The following PCDH9 variants were observed in gnomAD, a reference collection of about 807,000 sequenced individuals.
PCDH9 encodes protocadherin-9.
PCDH9 carries 24 observed loss-of-function variants against 70.6 expected under a neutral mutation model. The observed-to-expected ratio is 0.34, with a 90% CI of 0.25 to 0.48. The LOEUF (loss-of-function observed/expected upper bound fraction) is 0.48. PCDH9 is among the 20% of genes least tolerant of loss of function. PCDH9 has a pLI of 0.99. For missense variants in PCDH9, 1,281 were observed against 1,503.6 expected, an observed-to-expected ratio of 0.85 and a Z score of 2.45; for synonymous variants, 562 against 558.5, an observed-to-expected ratio of 1.01 and a Z score of -0.09.
chr13:66,841,692 A>G (rs2081119169), intron 3 of PCDH9, among the ~76,000 whole-genome samples: 2 of 152,200 alleles, frequency 1.3e-5, no homozygotes, highest in African/African-American at 4.8e-5. Context: ...ACAATATCAA[A>G]TATAATAAAA....
intron 4 of PCDH9, among the ~76,000 whole-genome samples, chr13:66,572,057 C>G (rs1271166809): frequency 6.6e-6 from 1 of 151,918 alleles, no homozygotes; most frequent in African/African-American, 2.4e-5. Context: ...TTCTCTTAAA[C>G]TTATGACTCT....
chr13:66,754,198 G>T (rs2079505322), intron 3 of PCDH9, among the ~76,000 whole-genome samples: 1 of 152,066 alleles, frequency 6.6e-6, no homozygotes, highest in African/African-American at 2.4e-5. Context: ...ACAGGGAGGG[G>T]AACATCACGC....
chr13:66,709,541 A>G (rs1007047516), intron 3 of PCDH9, among the ~76,000 whole-genome samples: 2 of 152,174 alleles, frequency 1.3e-5, no homozygotes, highest in African/African-American at 4.8e-5. Flanking sequence ...AATCTTAAAA[A>G]ACAGAAATAT....
chr13:66,932,605 T>TG (rs1265399116), intron 2 of PCDH9, among the ~76,000 whole-genome samples: 2 of 150,526 alleles, frequency 1.3e-5, no homozygotes, highest in Middle Eastern at 3.4e-3. Context: ...TTTGAAAGTT[T>TG]GGGGGAAAAA....
At chr13:66,381,792 C>CTATACATAAGATGCTT in intron 4 of PCDH9, among the ~76,000 whole-genome samples, 1 of 152,154 alleles carries the variant, frequency 6.6e-6, no homozygotes, top group African/African-American at 2.4e-5. Context: ...TCCCTGTAAG[C>CTATACATAAGATGCTT]ATCTTATGTA....
At chr13:67,060,360 C>T (rs1467263585) in intron 2 of PCDH9, among the ~76,000 whole-genome samples, 1 of 152,066 alleles carries the variant, frequency 6.6e-6, no homozygotes, top group African/African-American at 2.4e-5. Context: ...ACGCTCACAT[C>T]TTGGAAGTGG....
intron 4 of PCDH9, among the ~76,000 whole-genome samples, chr13:66,510,724 G>A (rs1012990317): frequency 3.9e-5 from 6 of 152,174 alleles, no homozygotes; most frequent in Non-Finnish European, 7.3e-5. Context: ...ATTCCATGGT[G>A]TATATTTGCC....
chr13:66,431,777 T>G (rs1244182475), intron 4 of PCDH9, among the ~76,000 whole-genome samples: 1 of 152,026 alleles, frequency 6.6e-6, no homozygotes, highest in African/African-American at 2.4e-5. Context: ...AGAGGCTTTA[T>G]AAAACAAAGC....
In PCDH9 at chr13:66,892,511, A is replaced by G. The variant is rs145297670; in HGVS notation, c.3138+10993T>C. ...TTGTGCAATCATTTCAACATATCAC[A>G]GCATTTGGGCTTTGCTACGTTGTAA... On this transcript the variant is annotated intron_variant, in intron 3 of 4. Transcript: ENST00000377865. 5.2e-3 allele frequency among the ~76,000 whole-genome samples: 789 copies of G among 152,068 alleles called. 2 individuals carry two copies. The highest frequency in any genetic ancestry group is 8.8e-3 in the Non-Finnish European group (600 of 67,918).
intron 3 of PCDH9, among the ~76,000 whole-genome samples, chr13:66,632,170 C>T (rs538610459): frequency 6.6e-6 from 1 of 152,294 alleles, no homozygotes; most frequent in South Asian, 2.1e-4. Flanking sequence ...GCTGGGATTA[C>T]AGGCATGATC....
chr13:66,628,053 G>A (rs559426975), intron 4 of PCDH9, among the ~76,000 whole-genome samples: 490 of 152,158 alleles, frequency 3.2e-3, no homozygotes, highest in African/African-American at 5.0e-3. Context: ...TCAAATGTGG[G>A]CTTTCTTAAG....
intron 2 of PCDH9, among the ~76,000 whole-genome samples, chr13:67,105,902 A>G (rs181631902): frequency 6.6e-5 from 10 of 151,246 alleles, no homozygotes; most frequent in Admixed American, 6.6e-4. Flanking sequence ...GGATAGAGAA[A>G]TATATCTAAG....
chr13:67,200,156 T>C (rs986347036), intron 2 of PCDH9, among the ~76,000 whole-genome samples: 3 of 152,122 alleles, frequency 2.0e-5, no homozygotes, highest in African/African-American at 7.2e-5. Flanking sequence ...GCTGGGACTT[T>C]TAAATGGCAT....
intron 4 of PCDH9, among the ~76,000 whole-genome samples, chr13:66,363,441 G>A (rs1285273606): frequency 6.6e-6 from 1 of 152,068 alleles, no homozygotes; most frequent in Non-Finnish European, 1.5e-5. Context: ...ATACGTATCG[G>A]ATTCAATGAA....
chr13:66,377,683 G>T (rs1268703738), intron 4 of PCDH9, among the ~76,000 whole-genome samples: 2 of 152,168 alleles, frequency 1.3e-5, no homozygotes, highest in Admixed American at 1.3e-4. Context: ...AAAGCAGGGA[G>T]AGTGAGCACT....
At chr13:66,813,119 T>C (rs2080539284) in intron 3 of PCDH9, among the ~76,000 whole-genome samples, 1 of 152,168 alleles carries the variant, frequency 6.6e-6, no homozygotes, top group Non-Finnish European at 1.5e-5. Flanking sequence ...GTGATGATTG[T>C]GGGGACTGAC....
At chr13:67,203,931 T>C (rs970100289) in intron 2 of PCDH9, 1 of 152,026 alleles carries the variant, frequency 6.6e-6, no homozygotes, top group African/African-American at 2.4e-5. Context: ...ATAGGTAAAC[T>C]TTGTAGAAGA....
Position 67,135,452 on chromosome 13 carries a change from A to T in PCDH9, c.3036+89953T>A, listed in dbSNP as rs2087211584. Among the ~76,000 whole-genome samples the T allele has an allele frequency of 2.0e-5, 3 of 152,050 alleles. 1 individual carries two copies. In the South Asian group the frequency reaches 6.2e-4, roughly 32 times the overall value. On this transcript the variant is annotated intron_variant, in intron 2 of 4. Transcript: ENST00000377865. ...CCATAGATCTCATTTTATAATAAGC[A>T]TTTCTTTTCTTTTTTCTCCTTTTTA...
At chr13:67,150,080 C>G (rs2087619990) in intron 2 of PCDH9, among the ~76,000 whole-genome samples, 1 of 152,160 alleles carries the variant, frequency 6.6e-6, no homozygotes, top group South Asian at 2.1e-4. Context: ...GAGTCTCACT[C>G]TGTCACTCAG....
Sources: gnomAD v4.1 joint callset for allele counts (sites outside exome capture counted in the v4.1 genomes callset) on GRCh38, gnomAD v4.1.1 for gene constraint, MANE v1.5 for transcripts, NCBI Gene and HGNC (gene_info 2026-07-23, HGNC 2026-07-21) for gene names.